The following ZFHX3 variants were observed in gnomAD, a reference collection of about 807,000 sequenced individuals.
The protein encoded by ZFHX3 is zinc finger homeobox 3.
Under a neutral mutation model 279.1 loss-of-function variants are expected in ZFHX3, and 42 were observed. The ratio of observed to expected loss-of-function variants is 0.15; its 90% CI spans 0.12 to 0.19. The LOEUF is 0.19. Among genes scored for constraint, ZFHX3 ranks in the 10% least tolerant of loss-of-function variants. ZFHX3 has a pLI of 1.00. For missense variants in ZFHX3, 4,981 were observed against 4,754.0 expected (o/e 1.05, Z -1.40); for synonymous variants, 2,293 against 1,957.8 (o/e 1.17, Z -4.52).
intron 9 of ZFHX3, among the ~76,000 whole-genome samples, chr16:72,792,478 A>G (rs962457753): frequency 6.6e-6 from 1 of 151,344 alleles, no homozygotes; most frequent in African/African-American, 2.4e-5. Context: ...TCTTTTTTTG[A>G]GACAGTCTCG....
intron 3 of ZFHX3, among the ~76,000 whole-genome samples, chr16:72,908,380 C>T (rs931931166): frequency 6.6e-6 from 1 of 152,216 alleles, no homozygotes; most frequent in Admixed American, 6.5e-5. Flanking sequence ...TATGAATGAA[C>T]TTCCTTAAAC....
At chr16:73,773,910 A>G (rs1295242865) in intron 1 of ZFHX3, among the ~76,000 whole-genome samples, 2 of 152,122 alleles carry the variant, frequency 1.3e-5, no homozygotes, top group Non-Finnish European at 2.9e-5. Context: ...GGCTAAATTA[A>G]GAGGATCTCT....
At chr16:73,681,998 C>T (rs1025819891) in intron 1 of ZFHX3, among the ~76,000 whole-genome samples, 4 of 151,960 alleles carry the variant, frequency 2.6e-5, no homozygotes, top group Non-Finnish European at 4.4e-5. Flanking sequence ...AGTGAGCTCA[C>T]GTACATAAAG....
intron 7 of ZFHX3, among the ~76,000 whole-genome samples, chr16:72,810,040 G>A (rs780051716): frequency 4.0e-5 from 6 of 151,542 alleles, no homozygotes; most frequent in African/African-American, 7.3e-5. Flanking sequence ...CACCACGCCC[G>A]GCTAATTTTT....
At chr16:72,977,712 A>C (rs1962410957) in intron 1 of ZFHX3, among the ~76,000 whole-genome samples, 2 of 152,142 alleles carry the variant, frequency 1.3e-5, no homozygotes, top group South Asian at 4.1e-4. Context: ...CAGCATGAGC[A>C]TATCACACAG....
chr16:73,534,896 A>G lies in ZFHX3; in HGVS notation c.-1546-78638T>C, dbSNP rs552373898. Among the ~76,000 whole-genome samples the G allele has an allele frequency of 1.6e-3, 242 of 152,244 alleles. 1 individual carries two copies. Among genetic ancestry groups the G allele is most frequent in the Non-Finnish European group, 2.4e-3 (165 of 68,014 alleles). ...TAATCCATCTCACAGTGACTCCCCA[A>G]TCATCTCACTCTCATGACCCATGCA... is the stretch of plus-strand genomic sequence containing the variant. On this transcript the variant is annotated intron_variant, in intron 2 of 17. Transcript: ENST00000641206.
chr16:73,857,290 C>A (rs1224225324), intron 1 of ZFHX3, among the ~76,000 whole-genome samples: 1 of 152,006 alleles, frequency 6.6e-6, no homozygotes, highest in Admixed American at 6.5e-5. Context: ...TATACTGAAA[C>A]CCAAAATGTG....
chr16:73,382,105 C>T (rs2016827218), intron 3 of ZFHX3, among the ~76,000 whole-genome samples: 1 of 152,190 alleles, frequency 6.6e-6, no homozygotes, highest in Admixed American at 6.5e-5. Flanking sequence ...AGTAGTCCCC[C>T]ATTTCTGACC....
chr16:73,018,398 G>C (rs1023795740), intron 1 of ZFHX3, among the ~76,000 whole-genome samples: 16 of 152,132 alleles, frequency 1.1e-4, no homozygotes, highest in Non-Finnish European at 2.9e-5. Context: ...ATGAGGTCAA[G>C]AGATCGAGAC....
chr16:73,300,238 G>C (rs990901633), intron 4 of ZFHX3, among the ~76,000 whole-genome samples: 2 of 145,666 alleles, frequency 1.4e-5, no homozygotes, highest in Admixed American at 1.4e-4. Flanking sequence ...ACACTAGCCT[G>C]GGTGACAGAG....
intron 8 of ZFHX3, among the ~76,000 whole-genome samples, chr16:73,088,384 CT>C (rs1245889988): frequency 6.6e-6 from 1 of 152,152 alleles, no homozygotes; most frequent in Non-Finnish European, 1.5e-5. Context: ...AACTCCTGGG[CT>C]CAAGCGATCC....
upstream of ZFHX3, among the ~76,000 whole-genome samples, chr16:73,063,801 G>A (rs1177486758): frequency 1.3e-5 from 2 of 152,182 alleles, no homozygotes; most frequent in African/African-American, 2.4e-5. Flanking sequence ...CCCAACTCAG[G>A]CGGACTGGGG....
intron 4 of ZFHX3, among the ~76,000 whole-genome samples, chr16:73,265,078 CGTGTGTGTGTGTGTGT>C (rs72075949): frequency 6.9e-6 from 1 of 145,928 alleles, no homozygotes; most frequent in Non-Finnish European, 1.5e-5. Flanking sequence ...CGCATATATG[CGTGTGTGTGTGTGTGT>C]GTGTGTGTGT....
At chr16:73,459,440 G>A (rs1393809493) in intron 2 of ZFHX3, among the ~76,000 whole-genome samples, 1 of 152,142 alleles carries the variant, frequency 6.6e-6, no homozygotes, top group Non-Finnish European at 1.5e-5. Flanking sequence ...TTGGCTGACT[G>A]CAACCTCCAC....
chr16:73,774,720 C>G (rs13333522), intron 1 of ZFHX3, among the ~76,000 whole-genome samples: 72,078 of 151,986 alleles, frequency 0.47, 18,163 homozygotes, highest in East Asian at 0.78. Flanking sequence ...TGAGTACAAC[C>G]TCGGTTTATC....
At chr16:73,549,277 G>T (rs1022542744) in intron 2 of ZFHX3, among the ~76,000 whole-genome samples, 4 of 152,020 alleles carry the variant, frequency 2.6e-5, no homozygotes, top group African/African-American at 9.7e-5. Flanking sequence ...TTAGTAAGTG[G>T]AACATAATTC....
At chr16:73,693,795 T>C (rs2053170740) in intron 1 of ZFHX3, among the ~76,000 whole-genome samples, 2 of 152,184 alleles carry the variant, frequency 1.3e-5, no homozygotes. Context: ...CGAAATCCTT[T>C]GCCTGCCTTA....
At chr16:73,553,421 C>G (rs991722222) in intron 2 of ZFHX3, among the ~76,000 whole-genome samples, 9 of 152,114 alleles carry the variant, frequency 5.9e-5, no homozygotes, top group East Asian at 3.9e-4. Context: ...ATCAGGGACT[C>G]TAGCCCCCAC....
At chr16:73,312,491 A>G (rs536008408) in intron 4 of ZFHX3, among the ~76,000 whole-genome samples, 5 of 152,318 alleles carry the variant, frequency 3.3e-5, no homozygotes, top group Non-Finnish European at 7.4e-5. Flanking sequence ...ATAGTGTGTC[A>G]AGGTTGTTGC....
Sources: gnomAD v4.1 joint callset for allele counts (sites outside exome capture counted in the v4.1 genomes callset) on GRCh38, gnomAD v4.1.1 for gene constraint, MANE v1.5 for transcripts, NCBI Gene and HGNC (gene_info 2026-07-23, HGNC 2026-07-21) for gene names.